The following PCDH15 variants were observed in gnomAD, a reference collection of about 807,000 sequenced individuals.
PCDH15 encodes protocadherin-15.
In PCDH15, 129 loss-of-function variants were observed where a neutral mutation model predicts 178.5. That is an observed-to-expected ratio of 0.72 (90% CI 0.63 to 0.84). The LOEUF (loss-of-function observed/expected upper bound fraction) is 0.84, where lower values mean the gene tolerates loss of function less well. Ranked by LOEUF, PCDH15 falls within the 40% of genes least tolerant of loss-of-function variation. PCDH15 has a pLI of 0.00. For missense variants in PCDH15, 2,230 were observed against 2,099.9 expected (o/e 1.06, Z -1.21); for synonymous variants, 800 against 732.0 (o/e 1.09, Z -1.50).
At chr10:54,885,151 C>A (rs148235584) in intron 3 of PCDH15, among the ~76,000 whole-genome samples, 1 of 151,954 alleles carries the variant, frequency 6.6e-6, no homozygotes, top group East Asian at 1.9e-4. Context: ...AATTAAATGA[C>A]CAAAAATCAA....
intron 1 of PCDH15, among the ~76,000 whole-genome samples, chr10:55,186,023 C>G (rs1486693196): frequency 6.6e-6 from 1 of 151,578 alleles, no homozygotes; most frequent in African/African-American, 2.4e-5. Flanking sequence ...TTTTCTCCTT[C>G]AGAAACAAAT....
intron 16 of PCDH15, among the ~76,000 whole-genome samples, chr10:54,089,782 AG>A (rs1248848621): frequency 6.6e-6 from 1 of 152,176 alleles, no homozygotes; most frequent in Non-Finnish European, 1.5e-5. Flanking sequence ...GATTTTACCT[AG>A]TAAAAATGTT....
intron 2 of PCDH15, among the ~76,000 whole-genome samples, chr10:55,470,041 T>A (rs1352106994): frequency 4.6e-5 from 7 of 152,156 alleles, no homozygotes; most frequent in Non-Finnish European, 5.9e-5. Flanking sequence ...ATCTAATTTT[T>A]TCTCTTTTCT....
In PCDH15 at chr10:54,766,791, C is replaced by T. The variant is rs1184766548; in HGVS notation, c.-29+34134G>A. ...AAAAATACAAAAAATTAGCCAGGCG[C>T]GGTGGCAGGCGCCTGTAAGTCCCAG... On this transcript the variant is annotated intron_variant, in intron 1 of 37. Transcript: ENST00000644397. Among the ~76,000 whole-genome samples, 7 of 151,718 alleles carry T rather than the reference C, an allele frequency of 4.6e-5. No homozygotes were observed. The East Asian group carries it at 1.2e-3, about 25-fold the overall frequency.
intron 1 of PCDH15, among the ~76,000 whole-genome samples, chr10:55,272,469 A>G (rs1457912928): frequency 6.6e-6 from 1 of 151,416 alleles, no homozygotes; most frequent in South Asian, 2.1e-4. Flanking sequence ...CAGTGACGCG[A>G]TCTCGGCTCA....
At chr10:53,924,295 G>A (rs2084282524) in intron 25 of PCDH15, among the ~76,000 whole-genome samples, 1 of 152,228 alleles carries the variant, frequency 6.6e-6, no homozygotes, top group Non-Finnish European at 1.5e-5. Flanking sequence ...GGCACCGTGG[G>A]CCCCAGGCAG....
At chr10:54,231,010 A>T (rs2054000582) in intron 9 of PCDH15, among the ~76,000 whole-genome samples, 1 of 152,220 alleles carries the variant, frequency 6.6e-6, no homozygotes, top group Admixed American at 6.5e-5. Context: ...AGCTGTTAAC[A>T]TTTACATTAA....
At chr10:54,747,915 C>T (rs1258916465) in intron 1 of PCDH15, among the ~76,000 whole-genome samples, 2 of 150,836 alleles carry the variant, frequency 1.3e-5, no homozygotes, top group Non-Finnish European at 2.9e-5. Context: ...ACGCCATTCT[C>T]CTGCCTCAGC....
intron 6 of PCDH15, among the ~76,000 whole-genome samples, chr10:54,336,010 C>T (rs1301798491): frequency 6.6e-6 from 1 of 152,026 alleles, no homozygotes; most frequent in African/African-American, 2.4e-5. Context: ...GATGAGGATA[C>T]TGGAGTAAAG....
chr10:55,094,232 T>C (rs4442449), intron 2 of PCDH15, among the ~76,000 whole-genome samples: 13,005 of 152,056 alleles, frequency 0.086, 685 homozygotes, highest in East Asian at 0.26. Flanking sequence ...TGAGTTCATG[T>C]CCCTTGTAGG....
chr10:55,007,161 C>T (rs1839950154), intron 2 of PCDH15, among the ~76,000 whole-genome samples: 2 of 152,240 alleles, frequency 1.3e-5, no homozygotes, highest in Non-Finnish European at 2.9e-5. Flanking sequence ...TCCTGTGCAG[C>T]CTACAGAACT....
chr10:54,205,481 TTGTGTGTGTGTG>T (rs71461223), intron 10 of PCDH15, among the ~76,000 whole-genome samples: 5 of 135,088 alleles, frequency 3.7e-5, no homozygotes, highest in South Asian at 4.9e-4. Flanking sequence ...TATATTTCCT[TTGTGTGTGTGTG>T]TGTGTGTGTG....
chr10:55,119,239 T>C (rs187705069), intron 2 of PCDH15, among the ~76,000 whole-genome samples: 104 of 152,262 alleles, frequency 6.8e-4, no homozygotes, highest in Admixed American at 1.6e-3. Context: ...TATACGACCA[T>C]GTGAGATTGC....
chr10:53,971,639 C>T (rs937617771), intron 21 of PCDH15, among the ~76,000 whole-genome samples: 19 of 151,862 alleles, frequency 1.3e-4, no homozygotes, highest in Non-Finnish European at 2.2e-4. Context: ...TCCTATACAC[C>T]GATAACAGAC....
chr10:54,604,753 T>C (rs11004408), intron 2 of PCDH15, among the ~76,000 whole-genome samples: 1,622 of 152,066 alleles, frequency 0.011, 23 homozygotes, highest in African/African-American at 0.037. Context: ...TAACTATTGA[T>C]AGGGAAGGAT....
chr10:54,995,149 G>T (rs1024348364), intron 2 of PCDH15, among the ~76,000 whole-genome samples: 1 of 151,972 alleles, frequency 6.6e-6, no homozygotes, highest in African/African-American at 2.4e-5. Flanking sequence ...GGCCGAGGCG[G>T]GCGGATCACG....
chr10:54,048,315 G>A (rs2093696976), intron 18 of PCDH15, among the ~76,000 whole-genome samples: 1 of 152,208 alleles, frequency 6.6e-6, no homozygotes, highest in Non-Finnish European at 1.5e-5. Context: ...ACATCTAAAA[G>A]CTGCATAGTT....
chr10:54,408,254 G>A (rs1952970394), intron 3 of PCDH15, among the ~76,000 whole-genome samples: 1 of 151,628 alleles, frequency 6.6e-6, no homozygotes, highest in Admixed American at 6.6e-5. Context: ...AGGTGACAAT[G>A]TTATCCCACA....
At chr10:54,498,543 C>A (rs2080343959) in intron 3 of PCDH15, among the ~76,000 whole-genome samples, 1 of 152,014 alleles carries the variant, frequency 6.6e-6, no homozygotes, top group Admixed American at 6.6e-5. Flanking sequence ...TTCAACAGAA[C>A]CATCTAACAT....
Sources: gnomAD v4.1 joint callset for allele counts (sites outside exome capture counted in the v4.1 genomes callset) on GRCh38, gnomAD v4.1.1 for gene constraint, MANE v1.5 for transcripts, NCBI Gene and HGNC (gene_info 2026-07-23, HGNC 2026-07-21) for gene names.